The following PPP1R1C variants were observed in gnomAD, a reference collection of about 807,000 sequenced individuals.
PPP1R1C encodes protein phosphatase 1 regulatory inhibitor subunit 1C.
Under a neutral mutation model 17.4 loss-of-function variants are expected in PPP1R1C, and 15 were observed. The ratio of observed to expected loss-of-function variants is 0.86; its 90% CI spans 0.58 to 1.33. The LOEUF (loss-of-function observed/expected upper bound fraction) is 1.33. Among genes scored for constraint, PPP1R1C ranks in the 40% most tolerant of loss-of-function variants. The pLI, the probability that PPP1R1C is intolerant of heterozygous loss-of-function variation, is 0.00. For synonymous variants in PPP1R1C, 35 were observed against 43.1 expected (o/e 0.81, Z 0.73); for missense variants, 143 against 130.0 (o/e 1.10, Z -0.48).
intron 2 of PPP1R1C, among the ~76,000 whole-genome samples, chr2:181,978,946 T>C (rs534263344): frequency 6.6e-6 from 1 of 152,282 alleles, no homozygotes; most frequent in South Asian, 2.1e-4. Context: ...TAAAGAAGCC[T>C]CCAGAGCATT....
intron 2 of PPP1R1C, among the ~76,000 whole-genome samples, chr2:182,046,945 T>C (rs1034570403): frequency 2.0e-5 from 3 of 152,168 alleles, no homozygotes; most frequent in African/African-American, 7.2e-5. Flanking sequence ...ACTGTCAATG[T>C]TAGCGACCTA....
chr2:182,011,104 G>T (rs1264495196), intron 2 of PPP1R1C, among the ~76,000 whole-genome samples: 1 of 151,990 alleles, frequency 6.6e-6, no homozygotes, highest in African/African-American at 2.4e-5. Flanking sequence ...GTCTTTGTCT[G>T]GTTTTGGTAT....
Position 182,066,524 on chromosome 2 carries a change from A to G in PPP1R1C, c.241+2733A>G, listed in dbSNP as rs1402227490. Among the ~76,000 whole-genome samples the G allele has an allele frequency of 2.0e-5, 3 of 152,212 alleles. No individual in the cohort carries two copies. The East Asian group carries it at 5.8e-4, about 29-fold the overall frequency. On this transcript the variant is annotated intron_variant, in intron 4 of 4. Transcript: ENST00000682840. ...ATCCCCTTGTCACCATCATTAAACC[A>G]TTTATCAAATAGACTTATTATATCA...
chr2:182,023,875 A>G (rs539398783), intron 2 of PPP1R1C: 3 of 152,218 alleles, frequency 2.0e-5, no homozygotes, highest in East Asian at 3.9e-4. Flanking sequence ...TGCTCAAGCA[A>G]TCCTCCCACC....
intron 2 of PPP1R1C, among the ~76,000 whole-genome samples, chr2:181,998,278 C>T (rs1277328687): frequency 2.0e-5 from 3 of 152,170 alleles, no homozygotes; most frequent in East Asian, 1.9e-4. Context: ...ATGCTAGGCT[C>T]GGTCTTTGCC....
rs1684776105 is a variant in PPP1R1C at position 181,961,220 on chromosome 2, T to C, written n.111+6586T>C. On this transcript the variant is annotated intron_variant and non_coding_transcript_variant, in intron 1 of 5. Coordinates refer to the PPP1R1C transcript ENST00000464264. This position sits in a 1 kb window ranked among gnomAD's most constrained non-coding sequence, Gnocchi z 5.8. ...TCTGCTGGCTTGATGTCTTAGAACT[T>C]TGGTGTCATTGGTCTCAGACACCAC... is the stretch of plus-strand genomic sequence containing the variant. The C allele has an allele frequency of 2.3e-6, 2 of 883,292 alleles. No individual in the cohort carries two copies. The highest frequency in any genetic ancestry group is 1.3e-5 in the South Asian group (1 of 75,452). 54.7% of individuals were successfully genotyped at this position (883,292 alleles called of 1,614,324 possible). A position where few individuals can be genotyped will look rare whatever the true frequency, so the allele number is the denominator to read the frequency against.
chr2:182,054,521 G>A lies in PPP1R1C; in HGVS notation c.143-6921G>A, dbSNP rs544523260. On this transcript the variant is annotated intron_variant, in intron 2 of 4. Transcript: ENST00000682840. ...TCTTGAATAACAAAATGTCATTCAA[G>A]AATGTTATATGAATTGAATTACACA... is the stretch of plus-strand genomic sequence containing the variant. Among the ~76,000 whole-genome samples the A allele has an allele frequency of 3.3e-5, 5 of 151,772 alleles. 1 individual carries two copies. Among genetic ancestry groups the A allele is most frequent in the African/African-American group, 1.2e-4 (5 of 41,406 alleles).
chr2:182,119,308 T>A (rs1333197454), downstream of PPP1R1C, among the ~76,000 whole-genome samples: 18 of 152,074 alleles, frequency 1.2e-4, no homozygotes, highest in African/African-American at 4.3e-4. Flanking sequence ...TCTATCATTG[T>A]TGGACATTTG....
rs1684877762 is a variant in PPP1R1C at position 181,964,800 on chromosome 2, G to T, written n.111+10166G>T. Among the ~76,000 whole-genome samples, 5 of 152,060 alleles carry T rather than the reference G, an allele frequency of 3.3e-5. No individual in the cohort carries two copies. The South Asian group carries it at 1.0e-3, about 32-fold the overall frequency. Reference sequence around the variant, plus strand: ...AGCTCACTACAACATCCGCCTCCCGGGTTCAAGAGATTCTCCTGCCACAGG... The same window carrying T: ...AGCTCACTACAACATCCGCCTCCCGTGTTCAAGAGATTCTCCTGCCACAGG... On this transcript the variant is annotated intron_variant and non_coding_transcript_variant, in intron 1 of 5. Coordinates refer to the PPP1R1C transcript ENST00000464264.
At chr2:182,079,194 T>C (rs7579701) in intron 4 of PPP1R1C, among the ~76,000 whole-genome samples, 84,398 of 152,062 alleles carry the variant, frequency 0.56, 23,927 homozygotes, top group Non-Finnish European at 0.61. Flanking sequence ...GAGGTTGTCA[T>C]AGATTATTAC....
In PPP1R1C at chr2:182,117,241, A is replaced by G. The variant is rs1882212; in HGVS notation, c.276A>G (p.Ala92=). The change falls in exon 5 of 5, where the codon GCA becomes GCG. Residue 92 remains alanine, a synonymous_variant. Transcript: ENST00000682840. ...ATCTGAAAGGCCAGAATGAATCAGC[A>G]TTCCCTGAAGAAGAAGAAGGCACCA... ...VKHLKGQNES[A]FPEEEEGTNE... 0.24 allele frequency: 370,534 copies of G among 1,557,724 alleles called. 49,161 individuals are homozygous for G. Among genetic ancestry groups the G allele is most frequent in the African/African-American group, 0.55 (40,187 of 73,104 alleles).
At chr2:182,031,349 G>A (rs1244559281) in intron 2 of PPP1R1C, among the ~76,000 whole-genome samples, 1 of 152,168 alleles carries the variant, frequency 6.6e-6, no homozygotes, top group Non-Finnish European at 1.5e-5. Flanking sequence ...TCACTATAGT[G>A]GACTGTCTTG....
chr2:182,069,601 A>G (rs1164585208), intron 4 of PPP1R1C, among the ~76,000 whole-genome samples: 1 of 152,206 alleles, frequency 6.6e-6, no homozygotes, highest in Non-Finnish European at 1.5e-5. Flanking sequence ...ATTGAATTGC[A>G]AATTTAAAAC....
downstream of PPP1R1C, among the ~76,000 whole-genome samples, chr2:182,119,893 A>G (rs982411230): frequency 2.0e-5 from 3 of 152,172 alleles, no homozygotes; most frequent in Non-Finnish European, 2.9e-5. Flanking sequence ...TTCGCTGTGC[A>G]GAAGGTCTTT....
At chr2:182,048,550 T>C (rs1687412907) in intron 2 of PPP1R1C, among the ~76,000 whole-genome samples, 1 of 152,242 alleles carries the variant, frequency 6.6e-6, no homozygotes, top group African/African-American at 2.4e-5. Flanking sequence ...TATGCTAGAA[T>C]GCTAATAACA....
chr2:182,100,115 A>G (rs956732691), intron 4 of PPP1R1C, among the ~76,000 whole-genome samples: 2 of 152,202 alleles, frequency 1.3e-5, no homozygotes, highest in Non-Finnish European at 2.9e-5. Flanking sequence ...AGTTCATCAT[A>G]AGTGTCATTC....
chr2:182,000,993 T>C (rs779442902), intron 2 of PPP1R1C, among the ~76,000 whole-genome samples: 3 of 152,174 alleles, frequency 2.0e-5, no homozygotes, highest in Non-Finnish European at 4.4e-5. Context: ...TAGAGGTCAT[T>C]AAAACTAACC....
At chr2:182,031,769 T>A (rs1686847872) in intron 2 of PPP1R1C, among the ~76,000 whole-genome samples, 1 of 152,218 alleles carries the variant, frequency 6.6e-6, no homozygotes, top group Non-Finnish European at 1.5e-5. Flanking sequence ...AATTTATAAA[T>A]TCTATAATTT....
intron 4 of PPP1R1C, among the ~76,000 whole-genome samples, chr2:182,091,474 TA>T (rs372452170): frequency 0.051 from 6,958 of 136,864 alleles, 551 homozygotes; most frequent in African/African-American, 0.16. Flanking sequence ...CTGTTTTTCT[TA>T]AAAAAAAAAT....
Sources: gnomAD v4.1 joint callset for allele counts (sites outside exome capture counted in the v4.1 genomes callset) on GRCh38, gnomAD v4.1.1 for gene constraint, Gnocchi (gnomAD v3.1) non-coding constraint, MANE v1.5 for transcripts, NCBI Gene and HGNC (gene_info 2026-07-23, HGNC 2026-07-21) for gene names.